Variants in PATL2 observed in about 807,000 individuals in gnomAD.
PATL2 encodes PAT1 homolog 2.
A neutral mutation model predicts 77.0 loss-of-function variants in PATL2; 73 were observed. That is an observed-to-expected ratio of 0.95 (90% CI 0.78 to 1.15). The LOEUF (loss-of-function observed/expected upper bound fraction) is 1.15. PATL2 is among the 50% of genes most tolerant of loss of function. PATL2 has a pLI of 0.00. For missense variants in PATL2, 618 were observed against 655.4 expected, an observed-to-expected ratio of 0.94 and a Z score of 0.62; for synonymous variants, 265 against 257.1, an observed-to-expected ratio of 1.03 and a Z score of -0.29.
intron 9 of PATL2, among the ~76,000 whole-genome samples, chr15:44,671,424 G>A (rs2085669110): frequency 6.6e-6 from 1 of 152,080 alleles, no homozygotes; most frequent in Admixed American, 6.5e-5. Context: ...TGGAGGTGGA[G>A]GTGGCAGTGA....
At chr15:44,700,288 T>C (rs763522654) in intron 3 of PATL2, among the ~76,000 whole-genome samples, 1 of 152,082 alleles carries the variant, frequency 6.6e-6, no homozygotes, top group Non-Finnish European at 1.5e-5. Flanking sequence ...TGTACGTTGA[T>C]TTTCTTTTTA....
At chr15:44,681,010 C>T (rs920599175) in intron 3 of PATL2, among the ~76,000 whole-genome samples, 7 of 152,244 alleles carry the variant, frequency 4.6e-5, no homozygotes, top group African/African-American at 1.7e-4. Context: ...TTTCTCAATA[C>T]CATTACCAGT....
intron 3 of PATL2, among the ~76,000 whole-genome samples, chr15:44,688,893 G>C (rs2086322929): frequency 6.6e-6 from 1 of 152,182 alleles, no homozygotes; most frequent in Non-Finnish European, 1.5e-5. Flanking sequence ...CTTCTGCACA[G>C]CAAAAGAAAC....
chr15:44,694,949 G>C (rs2086471787), intron 3 of PATL2, among the ~76,000 whole-genome samples: 1 of 152,084 alleles, frequency 6.6e-6, no homozygotes. Context: ...TAGCCAGAAA[G>C]AGTCATCGTC....
intron 17 of PATL2, 129 bp from the exon 18 acceptor site, chr15:44,666,100 A>G: frequency 1.1e-6 from 1 of 921,900 alleles, no homozygotes; most frequent in Non-Finnish European, 1.6e-6. Flanking sequence ...TCATGCTTAT[A>G]TCCTAGAATA....
intron 3 of PATL2, among the ~76,000 whole-genome samples, chr15:44,680,225 C>T (rs2086103161): frequency 6.6e-6 from 1 of 152,194 alleles, no homozygotes; most frequent in Non-Finnish European, 1.5e-5. Flanking sequence ...CCATCTGCTT[C>T]TTGTCGGGAC....
In PATL2 at chr15:44,710,942, A is replaced by T. The variant is rs1360344737; in HGVS notation, c.-253-13T>A. Reference sequence around the variant, plus strand: ...CAAACACTTTTTCCTGAAGGGATACAAGAAGCAAGAAAGGTACTCTTTCAC... The same window carrying T: ...CAAACACTTTTTCCTGAAGGGATACTAGAAGCAAGAAAGGTACTCTTTCAC... On this transcript the variant is annotated splice_polypyrimidine_tract_variant and intron_variant, in intron 1 of 17. Transcript: ENST00000682850. 1 of 163,094 alleles carries T rather than the reference A, an allele frequency of 6.1e-6. No individual in the cohort carries two copies. The highest frequency in any genetic ancestry group is 2.4e-5 in the African/African-American group (1 of 41,410). 10.1% of individuals were successfully genotyped at this position (163,094 alleles called of 1,614,324 possible).
chr15:44,705,034 C>T (rs900040171), intron 3 of PATL2, among the ~76,000 whole-genome samples: 1 of 152,092 alleles, frequency 6.6e-6, no homozygotes, highest in Admixed American at 6.6e-5. Context: ...AGGTCATCTT[C>T]TTTGGGTTGA....
intron 6 of PATL2, 135 bp downstream of exon 6, chr15:44,674,015 A>G: frequency 1.3e-6 from 1 of 776,494 alleles, no homozygotes; most frequent in Non-Finnish European, 2.1e-6. Flanking sequence ...AAGCTCCTCT[A>G]TGATGGGGCA....
intron 3 of PATL2, among the ~76,000 whole-genome samples, chr15:44,679,756 T>C (rs116426714): frequency 0.019 from 2,894 of 152,282 alleles, 103 homozygotes; most frequent in African/African-American, 0.067. Context: ...CTAGAGTTTG[T>C]CTATTTTATT....
At position 44,706,879 on chromosome 15, in the gene PATL2, C is replaced by T. The variant is rs1175127159; in HGVS notation, c.-76+3217G>A. 4.6e-5 allele frequency among the ~76,000 whole-genome samples: 7 copies of T among 152,136 alleles called. No individual in the cohort carries two copies. The South Asian group carries it at 1.2e-3, about 27-fold the overall frequency. The stretch of plus-strand genomic sequence containing the variant: ...CCAGCCTGGGGTGAATCCAGAGATG[C>T]CTTCCAGGAACTGGGGCCTAGTCAG... On this transcript the variant is annotated intron_variant, in intron 3 of 17. Coordinates refer to ENST00000682850, the MANE Select transcript of PATL2 (RefSeq NM_001387263.1).
intron 3 of PATL2, among the ~76,000 whole-genome samples, chr15:44,681,178 C>T (rs1278020214): frequency 6.6e-6 from 1 of 152,090 alleles, no homozygotes; most frequent in African/African-American, 2.4e-5. Context: ...ACCACCACAC[C>T]CAGCTAATTT....
At position 44,675,573 on chromosome 15, in the gene PATL2, ATCCTCCTCG is replaced by A. The variant is rs748507682; in HGVS notation, c.126_134del (p.Glu43_Asp45del). 1.3e-6 allele frequency: 2 copies of A among 1,551,794 alleles called. No homozygotes were observed. The highest frequency in any genetic ancestry group is 8.7e-7 in the Non-Finnish European group (1 of 1,147,004). On this transcript the variant is annotated inframe_deletion, in exon 5 of 18. Transcript: ENST00000682850. ...GGTCTGGGTCCAGATCTGGGTCCAG[ATCCTCCTCG>A]TCCTCCTCCTCTTCCTCCTCCTCCC...
rs149279884 is a variant in PATL2 at position 44,696,358 on chromosome 15, C to A, written c.-76+13738G>T. Reference sequence around the variant, plus strand: ...CATTCAAGCTGACAGGTGATGCTACCTCTGATTCCTTTTATGCTTTTAATA... The same window carrying A: ...CATTCAAGCTGACAGGTGATGCTACATCTGATTCCTTTTATGCTTTTAATA... On this transcript the variant is annotated intron_variant, in intron 3 of 17. Coordinates refer to ENST00000682850, the MANE Select transcript of PATL2 (RefSeq NM_001387263.1). Among the ~76,000 whole-genome samples, 50 of 152,260 alleles carry A rather than the reference C, an allele frequency of 3.3e-4. No individual in the cohort carries two copies. In the East Asian group the frequency reaches 8.5e-3, roughly 26 times the overall value.
At chr15:44,694,904 C>G (rs1421393655) in intron 3 of PATL2, among the ~76,000 whole-genome samples, 1 of 152,144 alleles carries the variant, frequency 6.6e-6, no homozygotes, top group Admixed American at 6.5e-5. Flanking sequence ...GCCTTAGCTG[C>G]TGTTACCCAC....
rs2141193638 is a variant in PATL2, at chr15:44,672,466, CAAG to C, written c.447-13_447-11del. ...GAGCTGGGTCAGATGACTGGGAAGA[CAAG>C]AAGTAACGAGCTGGGTGGAAGGAAG... On this transcript the variant is annotated splice_polypyrimidine_tract_variant and intron_variant, in intron 7 of 17. Transcript: ENST00000682850. 1 of 1,550,774 alleles carries C rather than the reference CAAG, an allele frequency of 6.4e-7. No homozygotes were observed. Among genetic ancestry groups the C allele is most frequent in the Non-Finnish European group, 8.7e-7 (1 of 1,146,214 alleles).
At position 44,689,341 on chromosome 15, in the gene PATL2, C is replaced by T. The variant is rs551292912; in HGVS notation, c.-75-12776G>A. On this transcript the variant is annotated intron_variant, in intron 3 of 17. Coordinates refer to ENST00000682850, the MANE Select transcript of PATL2 (RefSeq NM_001387263.1). ...ATCTAGAACCAGAAATACCATTTGACCCAACAATCCAATTACTGGGTACAT... is the reference window on the plus strand; with the variant it reads ...ATCTAGAACCAGAAATACCATTTGATCCAACAATCCAATTACTGGGTACAT... Among the ~76,000 whole-genome samples the T allele has an allele frequency of 6.7e-4, 102 of 152,280 alleles. No homozygotes were observed. The South Asian group carries it at 0.021, about 31-fold the overall frequency.
At chr15:44,669,177 A>G in intron 13 of PATL2, 38 bp from the exon 14 acceptor site, 2 of 1,523,532 alleles carry the variant, frequency 1.3e-6, no homozygotes, top group South Asian at 1.2e-5. Context: ...AGAGCTCTGC[A>G]TAGAGGAGAG....
rs2085525695 is a variant in PATL2, at chr15:44,669,032, A to G, written c.1172T>C (p.Leu391Ser). 1 of 1,551,106 alleles carries G rather than the reference A, an allele frequency of 6.4e-7. No individual in the cohort carries two copies. The highest frequency in any genetic ancestry group is 8.7e-7 in the Non-Finnish European group (1 of 1,146,656). Residue 391 changes from leucine to serine, a missense_variant, in exon 14 of 18, where the codon TTG becomes TCG. Physicochemically the swap from Leu to Ser is moderately radical, Grantham distance 145. Coordinates refer to ENST00000682850, the MANE Select transcript of PATL2 (RefSeq NM_001387263.1). ...LPQDQAVTIL[L>S]AITHHLPLLV... ...GAGGGGCAGATGGTGGGTGATAGCC[A>G]AAAGAATGGTAACAGCCTGATCCTG...
Sources: gnomAD v4.1 joint callset for allele counts (sites outside exome capture counted in the v4.1 genomes callset) on GRCh38, gnomAD v4.1.1 for gene constraint, MANE v1.5 for transcripts, NCBI Gene and HGNC (gene_info 2026-07-23, HGNC 2026-07-21) for gene names.